CEP63: variants seen among roughly 807,000 people sequenced by gnomAD.
CEP63 encodes the protein centrosomal protein 63.
CEP63 carries 84 observed loss-of-function variants against 89.1 expected under a neutral mutation model. The ratio of observed to expected loss-of-function variants is 0.94; its 90% CI spans 0.79 to 1.13. The LOEUF (loss-of-function observed/expected upper bound fraction) is 1.13, where lower values mean the gene tolerates loss of function less well. Ranked by LOEUF, CEP63 falls within the 50% of genes most tolerant of loss-of-function variation. CEP63 has a pLI of 0.00. For missense variants in CEP63, 838 were observed against 813.3 expected, an observed-to-expected ratio of 1.03 and a Z score of -0.37; for synonymous variants, 267 against 272.5, an observed-to-expected ratio of 0.98 and a Z score of 0.20.
At chr3:134,681,802 T>C in the CEP63 span, among the ~76,000 whole-genome samples, 4 of 152,250 alleles carry the variant, frequency 2.6e-5, no homozygotes, top group African/African-American at 9.6e-5. Flanking sequence ...GATGATCTCA[T>C]GCGGTCCTCA....
At chr3:134,654,867 G>A in the CEP63 span, among the ~76,000 whole-genome samples, 3 of 152,104 alleles carry the variant, frequency 2.0e-5, no homozygotes, top group Non-Finnish European at 4.4e-5. Flanking sequence ...TGGAGCTTCT[G>A]GGGAATGCCA....
At chr3:134,639,322 A>G in the CEP63 span, among the ~76,000 whole-genome samples, 65 of 152,120 alleles carry the variant, frequency 4.3e-4, no homozygotes, top group Non-Finnish European at 8.2e-4. Flanking sequence ...ACTGCCAAAC[A>G]CAGCATGAAA....
At chr3:134,701,277 C>CATATACGTATATATGTGT in the CEP63 span, among the ~76,000 whole-genome samples, 16,037 of 38,634 alleles carry the variant, frequency 0.42, 5,746 homozygotes, top group Middle Eastern at 0.55. Context: ...CATATACACA[C>CATATACGTATATATGTGT]ATATATACGT....
the CEP63 span, among the ~76,000 whole-genome samples, chr3:134,777,766 A>G: frequency 5.9e-5 from 9 of 151,552 alleles, no homozygotes; most frequent in Non-Finnish European, 1.2e-4. Flanking sequence ...GGTACACGCC[A>G]CTATGCCGGG....
chr3:134,741,819 C>A, the CEP63 span, among the ~76,000 whole-genome samples: 1 of 152,194 alleles, frequency 6.6e-6, no homozygotes, highest in Non-Finnish European at 1.5e-5. Flanking sequence ...CTCCCTTCTG[C>A]AGTGTACTCC....
the CEP63 span, among the ~76,000 whole-genome samples, chr3:134,606,694 G>A: frequency 0.35 from 53,562 of 152,062 alleles, 9,842 homozygotes; most frequent in African/African-American, 0.42. Flanking sequence ...GTGCCTGGTT[G>A]TGGTGCCTCA....
chr3:134,640,057 C>T, the CEP63 span: 22 of 152,752 alleles, frequency 1.4e-4, no homozygotes, highest in African/African-American at 5.3e-4. Flanking sequence ...ACTACAGATC[C>T]ATCTCCAAAG....
intron 2 of CEP63, among the ~76,000 whole-genome samples, chr3:134,500,855 T>C (rs911452266): frequency 6.6e-6 from 1 of 152,224 alleles, no homozygotes; most frequent in South Asian, 2.1e-4. Flanking sequence ...TTGTCAATTT[T>C]TGTTTTTATT....
chr3:134,781,901 C>T, the CEP63 span, among the ~76,000 whole-genome samples: 2 of 152,042 alleles, frequency 1.3e-5, no homozygotes, highest in East Asian at 1.9e-4. Flanking sequence ...TGTCTTACAG[C>T]GCTAGCTCAA....
At chr3:134,548,292 C>T (rs546406060) in intron 9 of CEP63, among the ~76,000 whole-genome samples, 8 of 152,300 alleles carry the variant, frequency 5.3e-5, no homozygotes, top group Middle Eastern at 3.4e-3. Context: ...CTTAGGTTTT[C>T]CTCCTTGCCA....
chr3:134,726,853 A>G, the CEP63 span, among the ~76,000 whole-genome samples: 1 of 152,190 alleles, frequency 6.6e-6, no homozygotes, highest in African/African-American at 2.4e-5. Context: ...AGCACAGGGA[A>G]CTGCCGGCCG....
the CEP63 span, among the ~76,000 whole-genome samples, chr3:134,778,232 G>C: frequency 7.9e-5 from 12 of 151,468 alleles, no homozygotes; most frequent in African/African-American, 2.9e-4. Context: ...CAAGTAGCTA[G>C]GATTACAGAC....
chr3:134,691,461 A>C, the CEP63 span, among the ~76,000 whole-genome samples: 3 of 146,426 alleles, frequency 2.0e-5, no homozygotes, highest in Admixed American at 6.8e-5. Flanking sequence ...CAAAAATAGC[A>C]AAAAAATTTA....
chr3:134,708,638 A>T, the CEP63 span, among the ~76,000 whole-genome samples: 9,832 of 152,314 alleles, frequency 0.065, 498 homozygotes, highest in South Asian at 0.29. Flanking sequence ...GCCATCAATT[A>T]TTAAATACTC....
chr3:134,541,190 A>T (rs947461421), intron 6 of CEP63, among the ~76,000 whole-genome samples: 1 of 152,136 alleles, frequency 6.6e-6, no homozygotes, highest in East Asian at 1.9e-4. Flanking sequence ...ATTTACCTTA[A>T]TTTTTGCCCA....
At position 134,522,633 on chromosome 3, in the gene CEP63, G is replaced by A. The variant is rs1267782607; in HGVS notation, c.223-9212G>A. ...ATTCTCTCCCTTTACCCTCCAGTAA[G>A]CCTCAGTATGTTGTTCCCCTCTATG... is the stretch of plus-strand genomic sequence containing the variant. On this transcript the variant is annotated intron_variant, in intron 3 of 14. Transcript: ENST00000675561. 2.0e-5 allele frequency among the ~76,000 whole-genome samples: 3 copies of A among 152,088 alleles called. No homozygotes were observed. The East Asian group carries it at 5.8e-4, about 29-fold the overall frequency.
the CEP63 span, among the ~76,000 whole-genome samples, chr3:134,776,322 T>A: frequency 5.9e-5 from 9 of 152,240 alleles, no homozygotes; most frequent in African/African-American, 1.9e-4. Flanking sequence ...ACAAGTGAAA[T>A]TCATTTTAAT....
the CEP63 span, among the ~76,000 whole-genome samples, chr3:134,713,639 A>G: frequency 6.6e-6 from 1 of 152,108 alleles, no homozygotes; most frequent in African/African-American, 2.4e-5. Flanking sequence ...CAGAGGTCCA[A>G]GCTGGGTGCA....
the CEP63 span, chr3:134,620,128 G>C: frequency 1.3e-5 from 2 of 152,408 alleles, no homozygotes; most frequent in Non-Finnish European, 2.9e-5. Flanking sequence ...AGGCGGCAAG[G>C]GGCAGCATCC....
Sources: gnomAD v4.1 joint callset for allele counts (sites outside exome capture counted in the v4.1 genomes callset) on GRCh38, gnomAD v4.1.1 for gene constraint, MANE v1.5 for transcripts, NCBI Gene and HGNC (gene_info 2026-07-23, HGNC 2026-07-21) for gene names.